The following COL24A1 variants were observed in gnomAD, a reference collection of about 807,000 sequenced individuals.
COL24A1 encodes collagen type XXIV alpha 1 chain, also known as collagen alpha-1(XXIV) chain.
A neutral mutation model predicts 253.9 loss-of-function variants in COL24A1; 224 were observed. The ratio of observed to expected loss-of-function variants is 0.88; its 90% CI spans 0.79 to 0.99. The LOEUF (loss-of-function observed/expected upper bound fraction) is 0.99. Among genes scored for constraint, COL24A1 ranks in the 50% least tolerant of loss-of-function variants. The pLI, the probability that COL24A1 is intolerant of heterozygous loss-of-function variation, is 0.00. For synonymous variants in COL24A1, 685 were observed against 673.7 expected, an observed-to-expected ratio of 1.02 and a Z score of -0.26; for missense variants, 2,131 against 2,068.5, an observed-to-expected ratio of 1.03 and a Z score of -0.59.
At position 85,996,010 on chromosome 1, in the gene COL24A1, G is replaced by A. The variant is rs116226763; in HGVS notation, c.2311-8356C>T. 4.0e-3 allele frequency among the ~76,000 whole-genome samples: 605 copies of A among 152,242 alleles called. 7 individuals carry two copies. Among genetic ancestry groups the A allele is most frequent in the African/African-American group, 0.013 (559 of 41,526 alleles). On this transcript the variant is annotated intron_variant, in intron 19 of 59. Coordinates refer to ENST00000370571, the MANE Select transcript of COL24A1 (RefSeq NM_152890.7). ...CAGTCTCAGGTATTTCTTTATAGCA[G>A]TGCGAGAATGGATGAATACAGTGAT...
chr1:85,942,040 G>A (rs1445953584), intron 24 of COL24A1, among the ~76,000 whole-genome samples: 2 of 152,094 alleles, frequency 1.3e-5, no homozygotes, highest in African/African-American at 4.8e-5. Context: ...GAACGTTAAA[G>A]TATTTACTTG....
intron 35 of COL24A1, among the ~76,000 whole-genome samples, chr1:85,874,257 G>T (rs539719815): frequency 2.0e-5 from 3 of 150,986 alleles, no homozygotes; most frequent in Admixed American, 2.0e-4. Flanking sequence ...CATAGGTTTG[G>T]TTTTTTTTTA....
chr1:85,754,527 T>A (rs1269962210), intron 55 of COL24A1, among the ~76,000 whole-genome samples: 4 of 63,172 alleles, frequency 6.3e-5, no homozygotes, highest in Non-Finnish European at 9.5e-5. Context: ...CCCTAAAACT[T>A]AGAGTATAAT....
chr1:85,775,815 T>C lies in COL24A1; in HGVS notation c.4339-106A>G, dbSNP rs1242018341. 7 of 889,754 alleles carry C rather than the reference T, an allele frequency of 7.9e-6. No homozygotes were observed. In the East Asian group the frequency reaches 1.5e-4, roughly 19 times the overall value. 55.1% of individuals were successfully genotyped at this position (889,754 alleles called of 1,614,324 possible). A position where few individuals can be genotyped will look rare whatever the true frequency, so the allele number is the denominator to read the frequency against. ...ACATGACAATTTATATTTTTGCTTT[T>C]TCTATATAGTAAGACCTGTTTTGTT... is the stretch of plus-strand genomic sequence containing the variant. On this transcript the variant is annotated intron_variant, in intron 52 of 59. Coordinates refer to ENST00000370571, the MANE Select transcript of COL24A1 (RefSeq NM_152890.7).
chr1:85,923,530 A>G (rs745520138), intron 24 of COL24A1, among the ~76,000 whole-genome samples: 4 of 152,184 alleles, frequency 2.6e-5, no homozygotes, highest in Non-Finnish European at 5.9e-5. Context: ...TCAAAACTGT[A>G]CAACTACATG....
chr1:86,124,224 G>GT (rs11375530), intron 3 of COL24A1, among the ~76,000 whole-genome samples: 147,724 of 151,802 alleles, frequency 0.97, 71,986 homozygotes, highest in Non-Finnish European at 1. Flanking sequence ...TGCCTTGGTT[G>GT]TTTTTTTCCC....
Position 86,041,281 on chromosome 1 carries a change from A to AT in COL24A1, c.1950+5543dup, listed in dbSNP as rs140193707. Among the ~76,000 whole-genome samples, 374 of 152,302 alleles carry AT rather than the reference A, an allele frequency of 2.5e-3. 10 individuals are homozygous for AT. In the East Asian group the frequency reaches 0.046, roughly 19 times the overall value. ...AATGTGATTTGATTATTTATAATCC[A>AT]TTCTAAGGGTCTGAAAAATTCCTTG... is the stretch of plus-strand genomic sequence containing the variant. On this transcript the variant is annotated intron_variant, in intron 12 of 59. Coordinates refer to ENST00000370571, the MANE Select transcript of COL24A1 (RefSeq NM_152890.7).
At chr1:85,938,465 C>T (rs1318053448) in intron 24 of COL24A1, among the ~76,000 whole-genome samples, 2 of 146,574 alleles carry the variant, frequency 1.4e-5, no homozygotes, top group African/African-American at 5.0e-5. Context: ...GTTAATTCAC[C>T]CTGATCATCA....
chr1:85,816,670 T>C, intron 47 of COL24A1, 118 bp downstream of exon 47: 1 of 779,698 alleles, frequency 1.3e-6, no homozygotes, highest in Non-Finnish European at 2.2e-6. Context: ...ATTAGAGAAA[T>C]GAACTGGCTT....
intron 20 of COL24A1, among the ~76,000 whole-genome samples, chr1:85,980,366 A>C (rs1693127931): frequency 6.6e-6 from 1 of 151,960 alleles, no homozygotes; most frequent in Non-Finnish European, 1.5e-5. Flanking sequence ...GAAATAAAGA[A>C]TCGGTAAAGA....
chr1:86,062,742 G>T (rs1027859318), intron 8 of COL24A1, among the ~76,000 whole-genome samples: 7 of 152,046 alleles, frequency 4.6e-5, no homozygotes, highest in African/African-American at 1.4e-4. Flanking sequence ...TGTTTGATTT[G>T]CAGGAAACTG....
intron 24 of COL24A1, among the ~76,000 whole-genome samples, chr1:85,926,324 G>A (rs549066196): frequency 1.4e-4 from 21 of 152,196 alleles, no homozygotes; most frequent in African/African-American, 4.8e-4. Flanking sequence ...CCCATTACTG[G>A]GTATATACCC....
chr1:86,101,741 G>C (rs1285569585), intron 5 of COL24A1, among the ~76,000 whole-genome samples: 1 of 152,154 alleles, frequency 6.6e-6, no homozygotes, highest in African/African-American at 2.4e-5. Context: ...AAGTCTGCTT[G>C]ATCATAGTGG....
At chr1:85,837,908 G>A (rs1265890053) in intron 43 of COL24A1, among the ~76,000 whole-genome samples, 1 of 152,002 alleles carries the variant, frequency 6.6e-6, no homozygotes, top group African/African-American at 2.4e-5. Flanking sequence ...GTAAATAGAG[G>A]GAAGAGATAT....
At chr1:85,869,539 C>T (rs145683833) in intron 35 of COL24A1, among the ~76,000 whole-genome samples, 2,320 of 152,252 alleles carry the variant, frequency 0.015, 53 homozygotes, top group African/African-American at 0.052. Context: ...TGGGGGCCAA[C>T]ATTCAACATT....
intron 19 of COL24A1, among the ~76,000 whole-genome samples, chr1:86,015,628 T>C (rs1271726856): frequency 6.6e-6 from 1 of 152,122 alleles, no homozygotes; most frequent in African/African-American, 2.4e-5. Context: ...TTAAAGATAA[T>C]GAAAATTAAA....
At chr1:86,129,449 A>C (rs879775640) in intron 2 of COL24A1, among the ~76,000 whole-genome samples, 1 of 147,358 alleles carries the variant, frequency 6.8e-6, no homozygotes, top group Non-Finnish European at 1.5e-5. Context: ...ATCTCTTCCC[A>C]TTTTTTTTTG....
At chr1:85,850,679 T>C (rs546140544) in intron 37 of COL24A1, among the ~76,000 whole-genome samples, 1 of 152,260 alleles carries the variant, frequency 6.6e-6, no homozygotes, top group Non-Finnish European at 1.5e-5. Flanking sequence ...CTCTGGCACC[T>C]AACACCTACC....
chr1:86,140,438 C>T (rs1507282), intron 2 of COL24A1, among the ~76,000 whole-genome samples: 11,809 of 152,252 alleles, frequency 0.078, 571 homozygotes, highest in East Asian at 0.21. Flanking sequence ...AGAAATGAAG[C>T]TCTAAGCTGT....
Sources: allele counts gnomAD v4.1 joint callset (sites outside exome capture counted in the v4.1 genomes callset), GRCh38; gene constraint gnomAD v4.1.1; transcripts MANE v1.5; gene names NCBI Gene and HGNC (gene_info 2026-07-23, HGNC 2026-07-21).